The following SMG1 variants were observed in gnomAD, a reference collection of about 807,000 sequenced individuals.
SMG1 encodes the protein SMG1 nonsense mediated mRNA decay associated PI3K related kinase.
Under a neutral mutation model 419.9 loss-of-function variants are expected in SMG1, and 22 were observed. The observed-to-expected ratio is 0.05, with a 90% confidence interval of 0.04 to 0.07. The LOEUF (loss-of-function observed/expected upper bound fraction) is 0.07. Among genes scored for constraint, SMG1 ranks in the 10% least tolerant of loss-of-function variants. The probability of loss-of-function intolerance (pLI) is 1.00; values close to 1 mark genes in which losing one functional copy is unlikely to be tolerated. For synonymous variants in SMG1, 1,538 were observed against 1,553.5 expected (o/e 0.99, Z 0.23); for missense variants, 3,185 against 4,342.0 (o/e 0.73, Z 7.49).
At chr16:18,840,417 A>G (rs1354931516) in intron 41 of SMG1, among the ~76,000 whole-genome samples, 1 of 152,196 alleles carries the variant, frequency 6.6e-6, no homozygotes, top group Non-Finnish European at 1.5e-5. Flanking sequence ...ACAGTTCTGC[A>G]GTCTCCTGTG....
intron 3 of SMG1, 89 bp from the exon 4 acceptor site, chr16:18,892,443 T>C: frequency 4.7e-6 from 5 of 1,056,406 alleles, no homozygotes; most frequent in East Asian, 5.7e-5. Context: ...ATTTAAATAA[T>C]AACTAAATTA....
intron 39 of SMG1, among the ~76,000 whole-genome samples, chr16:18,844,695 T>A (rs920078763): frequency 6.6e-6 from 1 of 151,960 alleles, no homozygotes; most frequent in Non-Finnish European, 1.5e-5. Flanking sequence ...TTTGCTAAAG[T>A]TGGCTGTACT....
chr16:18,847,405 A>C (rs2650615), intron 38 of SMG1, 48 bp downstream of exon 38: 837,325 of 1,598,800 alleles, frequency 0.52, 223,038 homozygotes, highest in Middle Eastern at 0.56. Context: ...TATACTTTGA[A>C]ACAAAGTGGC....
Position 18,892,333 on chromosome 16 carries a change from T to C in SMG1, c.434A>G (p.Asp145Gly). 1 of 1,549,650 alleles carries C rather than the reference T, an allele frequency of 6.5e-7. No homozygotes were observed. Among genetic ancestry groups the C allele is most frequent in the Non-Finnish European group, 8.7e-7 (1 of 1,146,604 alleles). The change falls in exon 4 of 63, where the codon GAT becomes GGT. Residue 145 changes from aspartate (D) to glycine (G), a missense_variant. Around this residue, in one of 27 missense-constraint regions of SMG1, gnomAD observed 23 missense variants for 20.5 expected, o/e 1.12. Transcript: ENST00000446231. ...KSQERSMSYS[D>G]ESRLSNLLRR... The stretch of plus-strand genomic sequence containing the variant: ...AAGAAGATTCGACAGTCGAGACTCA[T>C]CAGAATAAGACATCGATCTCTCTGT...
chr16:18,900,879 C>A (rs2037318022), intron 1 of SMG1, among the ~76,000 whole-genome samples: 1 of 152,146 alleles, frequency 6.6e-6, no homozygotes, highest in Non-Finnish European at 1.5e-5. Context: ...CCCTGTAATG[C>A]CTCTTACCTG....
intron 23 of SMG1, among the ~76,000 whole-genome samples, chr16:18,864,815 C>T (rs1335145674): frequency 2.0e-5 from 3 of 151,862 alleles, no homozygotes; most frequent in African/African-American, 7.3e-5. Context: ...ATCTCATTTC[C>T]CCCCTCCCAC....
At chr16:18,835,788 A>T in intron 48 of SMG1, 145 bp downstream of exon 48, 1 of 749,416 alleles carries the variant, frequency 1.3e-6, no homozygotes, top group Non-Finnish European at 2.1e-6. Context: ...AGTCCCAGCT[A>T]CTCTGGAGGC....
intron 60 of SMG1, 91 bp from the exon 61 acceptor site, chr16:18,812,218 G>T (rs944552418): frequency 5.0e-6 from 6 of 1,194,700 alleles, no homozygotes; most frequent in Middle Eastern, 2.9e-4. Context: ...GGTAGTGGTT[G>T]ATACCCCAAT....
Position 18,863,713 on chromosome 16 carries a change from T to C in SMG1, c.3632A>G (p.His1211Arg), listed in dbSNP as rs753333812. The change falls in exon 25 of 63, where the codon CAT (histidine) becomes CGT (arginine). Residue 1211 changes from histidine (H) to arginine (R), a missense_variant. Around this residue, in one of 27 missense-constraint regions of SMG1, gnomAD observed 120 missense variants for 193.3 expected, o/e 0.62. Transcript: ENST00000446231. ...AAVQEWQNAI[H>R]DLKKSTSSTS... ...GCTACTGGTACTCTTTTTCAAGTCA[T>C]GGATAGCGTTCTGCCATTCCTGCAC... is the stretch of plus-strand genomic sequence containing the variant. The C allele has an allele frequency of 1.3e-6, 2 of 1,592,236 alleles. No individual in the cohort carries two copies. Among genetic ancestry groups the C allele is most frequent in the Non-Finnish European group, 1.7e-6 (2 of 1,175,696 alleles).
At chr16:18,814,403 G>T (rs145785993) in intron 60 of SMG1, among the ~76,000 whole-genome samples, 5,241 of 151,702 alleles carry the variant, frequency 0.035, 251 homozygotes, top group East Asian at 0.19. Flanking sequence ...GGAAGCTGAG[G>T]CAGGAGAATT....
intron 36 of SMG1, 113 bp downstream of exon 36, chr16:18,849,104 A>AAAAAAAAAAAAAAAAAAAAAAAC (rs1555493199): frequency 3.8e-6 from 1 of 260,670 alleles, no homozygotes; most frequent in Non-Finnish European, 6.8e-6. Context: ...AAAAAAAAAA[A>AAAAAAAAAAAAAAAAAAAAAAAC]AACCCTACAA....
chr16:18,907,368 A>AT (rs1477233322), intron 1 of SMG1, among the ~76,000 whole-genome samples: 1 of 151,556 alleles, frequency 6.6e-6, no homozygotes, highest in Non-Finnish European at 1.5e-5. Flanking sequence ...TTATTTATTT[A>AT]TTTTTTAATT....
At chr16:18,902,756 T>C (rs1022389682) in intron 1 of SMG1, among the ~76,000 whole-genome samples, 1 of 151,938 alleles carries the variant, frequency 6.6e-6, no homozygotes, top group Non-Finnish European at 1.5e-5. Context: ...GCAACTAGTA[T>C]TAGATGCAAG....
intron 13 of SMG1, among the ~76,000 whole-genome samples, chr16:18,873,005 T>G (rs182451372): frequency 2.0e-5 from 3 of 151,744 alleles, no homozygotes; most frequent in African/African-American, 7.3e-5. Flanking sequence ...ATTACAAAAA[T>G]TAGCTGGGCA....
chr16:18,869,671 T>C (rs2035706478), intron 19 of SMG1, among the ~76,000 whole-genome samples, 183 bp downstream of exon 19: 2 of 152,212 alleles, frequency 1.3e-5, no homozygotes, highest in Admixed American at 1.3e-4. Flanking sequence ...CCCATTTTTG[T>C]TTCTACAGAT....
At chr16:18,815,117 A>G in intron 60 of SMG1, 58 bp downstream of exon 60, 1 of 1,076,252 alleles carries the variant, frequency 9.3e-7, no homozygotes, top group Non-Finnish European at 1.4e-6. Context: ...ATAATTAAAC[A>G]TCTTAGCATC....
At chr16:18,821,324 T>A (rs1400634782) in intron 55 of SMG1, among the ~76,000 whole-genome samples, 1 of 34,488 alleles carries the variant, frequency 2.9e-5, no homozygotes, top group African/African-American at 9.6e-5. Context: ...TACATATGTA[T>A]ACATGTGCCA....
chr16:18,833,279 T>C, intron 50 of SMG1, 113 bp from the exon 51 acceptor site: 1 of 658,574 alleles, frequency 1.5e-6, no homozygotes, highest in Non-Finnish European at 2.6e-6. Flanking sequence ...TGCCATCAAC[T>C]CATTCATGTA....
At chr16:18,817,118 C>T (rs866560989) in intron 57 of SMG1, among the ~76,000 whole-genome samples, 173 bp downstream of exon 57, 3 of 87,596 alleles carry the variant, frequency 3.4e-5, no homozygotes, top group African/African-American at 1.8e-4. Context: ...TGTTTCGGGG[C>T]GGGGGGGGGG....
Sources: allele counts gnomAD v4.1 joint callset (sites outside exome capture counted in the v4.1 genomes callset), GRCh38; gene constraint gnomAD v4.1.1; regional missense constraint gnomAD v4.1.1; transcripts MANE v1.5; gene names NCBI Gene and HGNC (gene_info 2026-07-23, HGNC 2026-07-21).